The following RIMS1 variants were observed in gnomAD, a reference collection of about 807,000 sequenced individuals.
RIMS1 encodes regulating synaptic membrane exocytosis 1.
In RIMS1, 83 loss-of-function variants were observed where a neutral mutation model predicts 214.1. The ratio of observed to expected loss-of-function variants is 0.39; its 90% CI spans 0.32 to 0.47. The LOEUF (loss-of-function observed/expected upper bound fraction) is 0.47. Among genes scored for constraint, RIMS1 ranks in the 20% least tolerant of loss-of-function variants. The pLI, the probability that RIMS1 is intolerant of heterozygous loss-of-function variation, is 0.99. For missense variants in RIMS1, 2,050 were observed against 2,161.8 expected (o/e 0.95, Z 1.03); for synonymous variants, 793 against 786.8 (o/e 1.01, Z -0.13).
intron 2 of RIMS1, among the ~76,000 whole-genome samples, chr6:72,012,765 T>C (rs577885269): frequency 1.4e-4 from 21 of 152,308 alleles, no homozygotes; most frequent in African/African-American, 5.1e-4. Context: ...GTGAAGCCTT[T>C]GAGACCTTTA....
chr6:72,372,525 A>C (rs2098250000), intron 29 of RIMS1, among the ~76,000 whole-genome samples: 1 of 152,222 alleles, frequency 6.6e-6, no homozygotes, highest in Non-Finnish European at 1.5e-5. Context: ...CTTTCCAAAA[A>C]ATGTGAACTT....
At chr6:72,238,993 A>G (rs192910045) in intron 9 of RIMS1, among the ~76,000 whole-genome samples, 143 of 152,230 alleles carry the variant, frequency 9.4e-4, no homozygotes, top group African/African-American at 3.2e-3. Context: ...TTGCTATACA[A>G]CTTTGAATAT....
intron 1 of RIMS1, among the ~76,000 whole-genome samples, chr6:71,964,337 G>C (rs751905849): frequency 5.3e-5 from 8 of 152,134 alleles, no homozygotes; most frequent in Admixed American, 1.3e-4. Context: ...GAACTATTGG[G>C]TAGAGGTGGC....
chr6:72,332,371 A>ATATG (rs1324559386), intron 28 of RIMS1, among the ~76,000 whole-genome samples: 1 of 151,746 alleles, frequency 6.6e-6, no homozygotes, highest in African/African-American at 2.4e-5. Context: ...ATAAAGCTGC[A>ATATG]TATGCATTGT....
At chr6:71,986,660 T>C (rs184692131) in intron 2 of RIMS1, among the ~76,000 whole-genome samples, 7 of 152,326 alleles carry the variant, frequency 4.6e-5, no homozygotes, top group African/African-American at 1.4e-4. Context: ...AAAAGATGTG[T>C]AGTTGATAAG....
intron 2 of RIMS1, among the ~76,000 whole-genome samples, chr6:72,033,681 C>T (rs1254307871): frequency 6.6e-6 from 1 of 151,996 alleles, no homozygotes. Flanking sequence ...AGGGTTTCAC[C>T]ACGTTGGCCA....
intron 2 of RIMS1, among the ~76,000 whole-genome samples, chr6:72,060,337 C>G (rs1827542204): frequency 6.6e-6 from 1 of 152,136 alleles, no homozygotes; most frequent in African/African-American, 2.4e-5. Context: ...GATCTAAACA[C>G]TATTTCAGTG....
chr6:72,115,806 C>T (rs1219213063), intron 4 of RIMS1, among the ~76,000 whole-genome samples: 1 of 151,540 alleles, frequency 6.6e-6, no homozygotes, highest in East Asian at 1.9e-4. Context: ...TCTTTTATTT[C>T]TTATATTAAG....
At chr6:72,140,788 C>T (rs1017021276) in intron 4 of RIMS1, among the ~76,000 whole-genome samples, 1 of 151,992 alleles carries the variant, frequency 6.6e-6, no homozygotes, top group Non-Finnish European at 1.5e-5. Flanking sequence ...GTATTTCTGT[C>T]CTTAAGAGAC....
chr6:72,066,574 G>A (rs1044196074), intron 2 of RIMS1, among the ~76,000 whole-genome samples: 2 of 152,022 alleles, frequency 1.3e-5, no homozygotes, highest in African/African-American at 4.8e-5. Flanking sequence ...GTGCTCAAAA[G>A]CAAATTATTT....
At chr6:72,372,559 A>C (rs1477540254) in intron 29 of RIMS1, among the ~76,000 whole-genome samples, 1 of 152,218 alleles carries the variant, frequency 6.6e-6, no homozygotes, top group Admixed American at 6.5e-5. Flanking sequence ...ATACAGCCAA[A>C]ATCAATTTAC....
intron 2 of RIMS1, among the ~76,000 whole-genome samples, chr6:72,027,969 T>G (rs1817019110): frequency 6.6e-6 from 1 of 152,176 alleles, no homozygotes; most frequent in Admixed American, 6.6e-5. Context: ...TATTTGTTTT[T>G]GCTCAGTAAG....
intron 29 of RIMS1, among the ~76,000 whole-genome samples, chr6:72,340,277 T>C (rs1463784397): frequency 5.3e-5 from 8 of 151,870 alleles, no homozygotes; most frequent in Admixed American, 2.6e-4. Flanking sequence ...GTGCAGAAGC[T>C]CTTTAGTTTA....
At chr6:72,009,313 A>G (rs1809296571) in intron 2 of RIMS1, among the ~76,000 whole-genome samples, 1 of 152,204 alleles carries the variant, frequency 6.6e-6, no homozygotes, top group Non-Finnish European at 1.5e-5. Flanking sequence ...TCTCTGGGAC[A>G]CATTTAAAGC....
At chr6:72,324,039 G>GATAGATAC (rs1277982788) in intron 28 of RIMS1, among the ~76,000 whole-genome samples, 5 of 149,882 alleles carry the variant, frequency 3.3e-5, no homozygotes, top group African/African-American at 1.2e-4. Flanking sequence ...TAGATAGATA[G>GATAGATAC]ATAGATAGAT....
At position 72,159,755 on chromosome 6, in the gene RIMS1, G is replaced by A. The variant is rs1588255782; in HGVS notation, c.472-19820G>A. 1.4e-5 allele frequency among the ~76,000 whole-genome samples: 2 copies of A among 139,870 alleles called. 1 individual carries two copies. The highest frequency in any genetic ancestry group is 4.1e-4 in the East Asian group (2 of 4,934). The allele number at this position is 139,870 out of a possible 152,430, so 91.8% of individuals were successfully genotyped here. A position where few individuals can be genotyped will look rare whatever the true frequency, so the allele number is the denominator to read the frequency against. On this transcript the variant is annotated intron_variant, in intron 4 of 33. Coordinates refer to ENST00000521978, the MANE Select transcript of RIMS1 (RefSeq NM_014989.7). Reference sequence around the variant, plus strand: ...TTCTGTTCCATTGATCTATATCTCTGTTTTGGTACCAGTACCATGCTGTTT... The same window carrying A: ...TTCTGTTCCATTGATCTATATCTCTATTTTGGTACCAGTACCATGCTGTTT...
chr6:72,065,676 C>T (rs1829117326), intron 2 of RIMS1, among the ~76,000 whole-genome samples: 1 of 152,000 alleles, frequency 6.6e-6, no homozygotes, highest in Admixed American at 6.6e-5. Flanking sequence ...AATTGATACT[C>T]ATATGAGGAA....
chr6:72,204,136 T>C (rs1391915243), intron 6 of RIMS1, among the ~76,000 whole-genome samples: 6 of 152,160 alleles, frequency 3.9e-5, no homozygotes, highest in Non-Finnish European at 8.8e-5. Context: ...TCTGTAGTGC[T>C]TGGGAGCACA....
At chr6:72,019,169 G>A (rs1813761132) in intron 2 of RIMS1, among the ~76,000 whole-genome samples, 1 of 152,146 alleles carries the variant, frequency 6.6e-6, no homozygotes, top group South Asian at 2.1e-4. Flanking sequence ...CCCATAGGAT[G>A]AAAATACTTA....
Sources: allele counts gnomAD v4.1 joint callset (sites outside exome capture counted in the v4.1 genomes callset), GRCh38; gene constraint gnomAD v4.1.1; transcripts MANE v1.5; gene names NCBI Gene and HGNC (gene_info 2026-07-23, HGNC 2026-07-21).